Variants in MAP3K5 observed in about 807,000 individuals in gnomAD.
MAP3K5 encodes the protein mitogen-activated protein kinase kinase kinase 5.
Under a neutral mutation model 158.7 loss-of-function variants are expected in MAP3K5, and 56 were observed. The observed-to-expected ratio is 0.35, with a 90% CI of 0.28 to 0.44. The LOEUF (loss-of-function observed/expected upper bound fraction) is 0.44, where lower values mean the gene tolerates loss of function less well. MAP3K5 is among the 20% of genes least tolerant of loss of function. MAP3K5 has a pLI of 1.00. For missense variants in MAP3K5, 1,294 were observed against 1,674.8 expected (o/e 0.77, Z 3.97); for synonymous variants, 579 against 601.7 (o/e 0.96, Z 0.55).
intron 7 of MAP3K5, among the ~76,000 whole-genome samples, chr6:136,670,302 G>A (rs1445838915): frequency 2.6e-5 from 4 of 151,880 alleles, no homozygotes; most frequent in South Asian, 2.1e-4. Context: ...AACGGGCAAC[G>A]ATATTCAATA....
At chr6:136,614,503 C>T (rs1299283716) in intron 15 of MAP3K5, among the ~76,000 whole-genome samples, 1 of 152,156 alleles carries the variant, frequency 6.6e-6, no homozygotes, top group Non-Finnish European at 1.5e-5. Context: ...CAGTTGTATA[C>T]ATTAATTCAT....
chr6:136,625,381 A>G (rs1039796263), intron 14 of MAP3K5, among the ~76,000 whole-genome samples: 3 of 152,172 alleles, frequency 2.0e-5, no homozygotes, highest in Non-Finnish European at 2.9e-5. Flanking sequence ...AATGCCCAGG[A>G]GGGGATAGGA....
At chr6:136,759,472 A>G (rs1783645671) in intron 1 of MAP3K5, among the ~76,000 whole-genome samples, 1 of 142,480 alleles carries the variant, frequency 7.0e-6, no homozygotes, top group Non-Finnish European at 1.5e-5. Flanking sequence ...ATATATATAT[A>G]TATATATATA....
At chr6:136,703,771 T>G (rs185297904) in intron 3 of MAP3K5, among the ~76,000 whole-genome samples, 2 of 152,348 alleles carry the variant, frequency 1.3e-5, no homozygotes, top group Admixed American at 1.3e-4. Context: ...AGTTTCAAAA[T>G]TACTTCAGAG....
intron 1 of MAP3K5, among the ~76,000 whole-genome samples, chr6:136,727,053 A>G (rs1781999943): frequency 6.6e-6 from 1 of 152,188 alleles, no homozygotes; most frequent in Admixed American, 6.5e-5. Flanking sequence ...TTACCTAACT[A>G]AAGAAAACAT....
intron 2 of MAP3K5, among the ~76,000 whole-genome samples, chr6:136,713,315 C>T (rs555061203): frequency 3.9e-4 from 60 of 152,206 alleles, no homozygotes; most frequent in African/African-American, 1.4e-3. Flanking sequence ...GCCTCTTAGA[C>T]AAAATGGTAA....
chr6:136,683,773 T>C (rs1780032326), intron 7 of MAP3K5, among the ~76,000 whole-genome samples: 1 of 152,170 alleles, frequency 6.6e-6, no homozygotes, highest in South Asian at 2.1e-4. Context: ...AACTGAAATC[T>C]AGACATTTCT....
At chr6:136,733,363 C>T (rs968123601) in intron 1 of MAP3K5, among the ~76,000 whole-genome samples, 1 of 152,212 alleles carries the variant, frequency 6.6e-6, no homozygotes, top group Non-Finnish European at 1.5e-5. Context: ...AATACTGTCA[C>T]TGGGTTGTCT....
At chr6:136,632,460 T>A (rs1202178946) in intron 14 of MAP3K5, among the ~76,000 whole-genome samples, 1 of 152,102 alleles carries the variant, frequency 6.6e-6, no homozygotes, top group Non-Finnish European at 1.5e-5. Flanking sequence ...GAGGTTGCAG[T>A]GAGCCGAGAT....
At chr6:136,617,673 C>T (rs1776624542) in intron 15 of MAP3K5, among the ~76,000 whole-genome samples, 1 of 152,152 alleles carries the variant, frequency 6.6e-6, no homozygotes, top group South Asian at 2.1e-4. Flanking sequence ...GTGGTTCACT[C>T]CTGTAATCCC....
At position 136,601,025 on chromosome 6, in the gene MAP3K5, T is replaced by C. The variant is rs771184236; in HGVS notation, c.2875A>G (p.Asn959Asp). ...PKLSALSAGS[N>D]EYLRSISLPV... ...GGCAAAGTAAAAACAAACTCACCAT[T>C]TGATCCAGCTGAAAGAGCTGTGGAA... Residue 959 changes from asparagine to aspartate, a missense_variant, in exon 21 of 30, where the codon AAT becomes GAT. By Grantham distance (23) the Asn-to-Asp change is conservative. This residue lies in a region of MAP3K5 where 362 missense variants were observed against 463.2 expected (regional missense o/e 0.78). Transcript: ENST00000359015. 3 of 1,613,830 alleles carry C rather than the reference T, an allele frequency of 1.9e-6. No homozygotes were observed. The highest frequency in any genetic ancestry group is 2.5e-6 in the Non-Finnish European group (3 of 1,179,960).
intron 14 of MAP3K5, among the ~76,000 whole-genome samples, chr6:136,634,700 C>T (rs1777536137): frequency 6.6e-6 from 1 of 151,890 alleles, no homozygotes; most frequent in African/African-American, 2.4e-5. Context: ...TTGCCTCAGC[C>T]TCCTGAGTAG....
At position 136,698,584 on chromosome 6, in the gene MAP3K5, G is replaced by A. The variant is rs1337259046; in HGVS notation, c.711C>T (p.Leu237=). The change falls in exon 4 of 30, where the codon CTC becomes CTT. Residue 237 remains leucine (L), a synonymous_variant. Coordinates refer to ENST00000359015, the MANE Select transcript of MAP3K5 (RefSeq NM_005923.4). The part of the protein sequence containing the change: ...DSSFMKGLTE[L]MQPNFELLLG... Reference sequence around the variant, plus strand: ...GAAGCAGCTCGAAGTTCGGTTGCATGAGCTCTGTCAACCCCTTCATGAAGC... The same window carrying A: ...GAAGCAGCTCGAAGTTCGGTTGCATAAGCTCTGTCAACCCCTTCATGAAGC... 2.5e-6 allele frequency: 4 copies of A among 1,613,980 alleles called. No individual in the cohort carries two copies. Among genetic ancestry groups the A allele is most frequent in the Non-Finnish European group, 3.4e-6 (4 of 1,179,946 alleles).
intron 1 of MAP3K5, among the ~76,000 whole-genome samples, chr6:136,757,579 A>ATTTTTT (rs776508913): frequency 3.5e-4 from 39 of 112,000 alleles, no homozygotes; most frequent in East Asian, 8.9e-4. Flanking sequence ...TTATTTATTT[A>ATTTTTT]TTTTTTATTT....
intron 1 of MAP3K5, among the ~76,000 whole-genome samples, chr6:136,769,855 GGGA>G (rs1784128297): frequency 1.0e-5 from 1 of 98,856 alleles, no homozygotes; most frequent in African/African-American, 3.8e-5. Flanking sequence ...AGGGAGGGAG[GGGA>G]AGGGGAAGTG....
At chr6:136,670,312 A>G (rs1032231147) in intron 7 of MAP3K5, among the ~76,000 whole-genome samples, 44 of 152,154 alleles carry the variant, frequency 2.9e-4, no homozygotes, top group African/African-American at 1.0e-3. Context: ...GATATTCAAT[A>G]TAATTTCACT....
intron 1 of MAP3K5, among the ~76,000 whole-genome samples, chr6:136,760,707 C>T (rs956117133): frequency 6.6e-6 from 1 of 152,146 alleles, no homozygotes; most frequent in African/African-American, 2.4e-5. Flanking sequence ...CTGTGGCTCA[C>T]GCCTGTAATC....
intron 1 of MAP3K5, among the ~76,000 whole-genome samples, chr6:136,728,389 T>G (rs1210820325): frequency 1.3e-5 from 2 of 152,130 alleles, no homozygotes; most frequent in East Asian, 1.9e-4. Context: ...AAGTCAGTTT[T>G]CTAAAGTTTG....
Position 136,574,779 on chromosome 6 carries a change from C to T in MAP3K5, c.3517+5522G>A, listed in dbSNP as rs532630294. 1.3e-4 allele frequency among the ~76,000 whole-genome samples: 19 copies of T among 151,182 alleles called. No homozygotes were observed. The East Asian group carries it at 3.7e-3, about 29-fold the overall frequency. On this transcript the variant is annotated intron_variant, in intron 25 of 29. Transcript: ENST00000359015. The stretch of plus-strand genomic sequence containing the variant: ...TCTCGGCTCACTGCAGGCTCCACCC[C>T]CTGGGGTTCATGCCATTCTCCTGCC...
Sources: allele counts gnomAD v4.1 joint callset (sites outside exome capture counted in the v4.1 genomes callset), GRCh38; gene constraint gnomAD v4.1.1; regional missense constraint gnomAD v4.1.1; transcripts MANE v1.5; gene names NCBI Gene and HGNC (gene_info 2026-07-23, HGNC 2026-07-21).